The following MIPEP variants were observed in gnomAD, a reference collection of about 807,000 sequenced individuals.
MIPEP encodes mitochondrial intermediate peptidase.
Under a neutral mutation model 90.3 loss-of-function variants are expected in MIPEP, and 79 were observed. The observed-to-expected ratio is 0.87, with a 90% CI of 0.73 to 1.05. The LOEUF is 1.05. Among genes scored for constraint, MIPEP ranks in the 50% least tolerant of loss-of-function variants. MIPEP has a pLI of 0.00. For synonymous variants in MIPEP, 334 were observed against 315.8 expected (o/e 1.06, Z -0.61); for missense variants, 940 against 905.6 (o/e 1.04, Z -0.49).
chr13:23,869,483 T>C (rs754676112), intron 6 of MIPEP, 35 bp from the exon 7 acceptor site: 2 of 1,568,026 alleles, frequency 1.3e-6, no homozygotes, highest in Non-Finnish European at 1.7e-6. Context: ...AGGCTATAAA[T>C]ATCATCACAC....
At chr13:23,836,800 G>A (rs1174592168) in intron 13 of MIPEP, among the ~76,000 whole-genome samples, 1 of 152,076 alleles carries the variant, frequency 6.6e-6, no homozygotes, top group Non-Finnish European at 1.5e-5. Context: ...TTCTCAGTGA[G>A]GAAAAGAAAT....
intron 1 of MIPEP, among the ~76,000 whole-genome samples, chr13:23,886,987 T>G (rs1871515532): frequency 6.6e-6 from 1 of 152,112 alleles, no homozygotes. Context: ...GATACATACC[T>G]TACAGCATGG....
chr13:23,820,171 A>G (rs1161674008), intron 14 of MIPEP, among the ~76,000 whole-genome samples: 1 of 152,220 alleles, frequency 6.6e-6, no homozygotes, highest in Non-Finnish European at 1.5e-5. Context: ...TATAGAATCC[A>G]GTTGAGTGAA....
chr13:23,811,977 T>C (rs1165975083), intron 14 of MIPEP, among the ~76,000 whole-genome samples: 1 of 152,168 alleles, frequency 6.6e-6, no homozygotes, highest in Non-Finnish European at 1.5e-5. Context: ...CATTTGCTGT[T>C]CTCGGTGCAT....
intron 1 of MIPEP, chr13:23,888,813 T>C (rs1016647761): frequency 1.0e-6 from 1 of 979,614 alleles, no homozygotes; most frequent in Non-Finnish European, 1.3e-6. Flanking sequence ...CGCCTGAGTG[T>C]ATGCAGAGGG....
chr13:23,836,686 G>A (rs551519773), intron 13 of MIPEP, among the ~76,000 whole-genome samples: 7 of 152,262 alleles, frequency 4.6e-5, no homozygotes, highest in South Asian at 4.1e-4. Context: ...TTAATATAGC[G>A]TTTGTATTTA....
intron 14 of MIPEP, among the ~76,000 whole-genome samples, chr13:23,832,756 T>C (rs1167489270): frequency 8.9e-6 from 1 of 111,926 alleles, no homozygotes; most frequent in Non-Finnish European, 2.1e-5. Context: ...GTTTATTATG[T>C]CTAAACACCT....
intron 14 of MIPEP, among the ~76,000 whole-genome samples, chr13:23,828,064 T>C (rs1454415081): frequency 2.0e-5 from 3 of 152,172 alleles, no homozygotes; most frequent in African/African-American, 7.2e-5. Context: ...ATTCACTACA[T>C]TAACAGATTA....
chr13:23,833,331 T>A (rs574742220), intron 14 of MIPEP, among the ~76,000 whole-genome samples: 1 of 152,354 alleles, frequency 6.6e-6, no homozygotes, highest in African/African-American at 2.4e-5. Context: ...CATTTACATG[T>A]CTCTTGCCTT....
chr13:23,876,536 T>C (rs1019969439), intron 4 of MIPEP, among the ~76,000 whole-genome samples: 12 of 152,198 alleles, frequency 7.9e-5, no homozygotes, highest in African/African-American at 2.4e-5. Flanking sequence ...CTATGCCTTA[T>C]TTTGTGAAAT....
chr13:23,871,193 C>A (rs2137519788), intron 5 of MIPEP, among the ~76,000 whole-genome samples: 1 of 152,300 alleles, frequency 6.6e-6, no homozygotes, highest in East Asian at 1.9e-4. Flanking sequence ...TTCAAATGGT[C>A]AGTGATGAGG....
chr13:23,886,463 T>G lies in MIPEP; in HGVS notation c.233A>C (p.His78Pro), dbSNP rs969702301. Residue 78 changes from histidine (H) to proline (P), a missense_variant, in exon 2 of 19, where the codon CAT (histidine) becomes CCT (proline). Transcript: ENST00000382172. ...VPELSAPEGF[H>P]IAQEKALRKT... ...TCTCAAGGCTTTTTCTTGTGCAATA[T>G]GAAATCCTTCTGGGGCACTCAGCTC... 5 of 1,603,460 alleles carry G rather than the reference T, an allele frequency of 3.1e-6. No homozygotes were observed. The highest frequency in any genetic ancestry group is 4.3e-6 in the Non-Finnish European group (5 of 1,174,458).
intron 16 of MIPEP, among the ~76,000 whole-genome samples, chr13:23,799,472 G>A (rs1195434372): frequency 3.3e-5 from 5 of 151,896 alleles, no homozygotes; most frequent in African/African-American, 4.8e-5. Flanking sequence ...GGCTACATGC[G>A]CCCGCCACCA....
intron 1 of MIPEP, among the ~76,000 whole-genome samples, 161 bp from the exon 2 acceptor site, chr13:23,886,667 C>T (rs1481480923): frequency 1.3e-5 from 2 of 152,110 alleles, no homozygotes; most frequent in Admixed American, 6.5e-5. Context: ...CCCCATATCA[C>T]TCCACATAAA....
At position 23,786,717 on chromosome 13, in the gene MIPEP, G is replaced by A. The variant is rs534624733; in HGVS notation, c.1848+19233C>T. ...CAAGCACAACTAAGTTAGCATTTGT[G>A]GAGCATCAGATTGGCAAAAATTAAA... On this transcript the variant is annotated intron_variant, in intron 16 of 18. Coordinates refer to ENST00000382172, the MANE Select transcript of MIPEP (RefSeq NM_005932.4). 6.2e-4 allele frequency among the ~76,000 whole-genome samples: 95 copies of A among 152,220 alleles called. 2 individuals carry two copies. The South Asian group carries it at 0.019, about 31-fold the overall frequency.
chr13:23,739,658 C>T (rs1952304545), intron 18 of MIPEP, among the ~76,000 whole-genome samples: 2 of 152,156 alleles, frequency 1.3e-5, no homozygotes, highest in African/African-American at 2.4e-5. Context: ...GGTCTGACTC[C>T]CCATAGGCAT....
At chr13:23,747,271 C>CT (rs1195303747) in intron 18 of MIPEP, among the ~76,000 whole-genome samples, 1 of 152,292 alleles carries the variant, frequency 6.6e-6, no homozygotes, top group Middle Eastern at 3.4e-3. Flanking sequence ...CATGGAGAAT[C>CT]TCCTTCCTGC....
intron 16 of MIPEP, among the ~76,000 whole-genome samples, chr13:23,772,413 CAT>C (rs1296013195): frequency 6.6e-6 from 1 of 151,870 alleles, no homozygotes; most frequent in East Asian, 1.9e-4. Context: ...ATTTAAAAAA[CAT>C]ATTAGATAAA....
chr13:23,866,576 C>T (rs900732964), intron 7 of MIPEP, among the ~76,000 whole-genome samples: 1 of 152,136 alleles, frequency 6.6e-6, no homozygotes, highest in South Asian at 2.1e-4. Flanking sequence ...AGACCTTCTG[C>T]GCGGCCTCCA....
Sources: allele counts gnomAD v4.1 joint callset (sites outside exome capture counted in the v4.1 genomes callset), GRCh38; gene constraint gnomAD v4.1.1; transcripts MANE v1.5; gene names NCBI Gene and HGNC (gene_info 2026-07-23, HGNC 2026-07-21).